TGM5: variants seen among roughly 807,000 people sequenced by gnomAD.
TGM5 encodes the protein transglutaminase 5.
Under a neutral mutation model 77.2 loss-of-function variants are expected in TGM5, and 69 were observed. The observed-to-expected ratio is 0.89, with a 90% CI of 0.74 to 1.09. TGM5 has a LOEUF of 1.09. TGM5 is among the 50% of genes least tolerant of loss of function. TGM5 has a pLI of 0.00. For synonymous variants in TGM5, 346 were observed against 351.8 expected, an observed-to-expected ratio of 0.98 and a Z score of 0.18; for missense variants, 842 against 896.5, an observed-to-expected ratio of 0.94 and a Z score of 0.78.
In TGM5 at chr15:43,235,472, C is replaced by A; in HGVS notation, c.1711G>T (p.Glu571Ter). 1 of 1,614,100 alleles carries A rather than the reference C, an allele frequency of 6.2e-7. No homozygotes were observed. The highest frequency in any genetic ancestry group is 8.5e-7 in the Non-Finnish European group (1 of 1,180,016). The stretch of plus-strand genomic sequence containing the variant: ...CACAAACTGTGCACATGCGTACCTT[C>A]TTTAGGAGAGAGTGTGATGAACGCT... The part of the protein sequence containing the change: ...DTAFITLSPK[E>*]AKTYPCKISY... Residue 571 changes from glutamate (E) to a stop codon, truncating the protein, a stop_gained, in exon 10 of 13, where the codon GAA becomes TAA. Coordinates refer to ENST00000220420, the MANE Select transcript of TGM5 (RefSeq NM_201631.4). LOFTEE classifies it high-confidence loss of function.
intron 6 of TGM5, among the ~76,000 whole-genome samples, chr15:43,246,323 A>C (rs914326485): frequency 1.3e-5 from 2 of 152,110 alleles, no homozygotes; most frequent in African/African-American, 4.8e-5. Flanking sequence ...GGACAAACTG[A>C]CTGTACAGAC....
intron 1 of TGM5, among the ~76,000 whole-genome samples, chr15:43,261,090 T>G (rs55746954): frequency 0.087 from 8,415 of 96,690 alleles, 1,180 homozygotes; most frequent in African/African-American, 0.34. Flanking sequence ...TTTTTTTTTT[T>G]TTTTTTTTTT....
chr15:43,265,453 G>A (rs917585118), intron 1 of TGM5, among the ~76,000 whole-genome samples: 1 of 152,248 alleles, frequency 6.6e-6, no homozygotes, highest in African/African-American at 2.4e-5. Context: ...CAGCAGGCAT[G>A]GCAGCATCTG....
intron 12 of TGM5, 87 bp from the exon 13 acceptor site, chr15:43,233,431 G>A: frequency 6.2e-7 from 1 of 1,608,514 alleles, no homozygotes; most frequent in East Asian, 2.2e-5. Flanking sequence ...TGAGTGGGAG[G>A]GAGTGCTTCC....
chr15:43,235,974 C>T (rs2042587717), intron 9 of TGM5, 137 bp from the exon 10 acceptor site: 1 of 1,199,240 alleles, frequency 8.3e-7, no homozygotes, highest in Non-Finnish European at 1.2e-6. Context: ...TCCCTCCACT[C>T]CTCATGTGCT....
At chr15:43,259,881 G>A (rs115448353) in intron 3 of TGM5, among the ~76,000 whole-genome samples, 171 bp downstream of exon 3, 104 of 152,330 alleles carry the variant, frequency 6.8e-4, no homozygotes, top group African/African-American at 2.4e-3. Context: ...ATAAGTAAAT[G>A]AATAGCAAGA....
At position 43,252,760 on chromosome 15, in the gene TGM5, T is replaced by C. The variant is rs750167109; in HGVS notation, c.861A>G (p.Thr287=). The C allele has an allele frequency of 4.8e-5, 78 of 1,613,676 alleles. No homozygotes were observed. Among genetic ancestry groups the C allele is most frequent in the Middle Eastern group, 1.7e-4 (1 of 5,820 alleles). The change falls in exon 6 of 13, where the codon ACA becomes ACG. Residue 287 remains threonine, a splice_region_variant and synonymous_variant. Transcript: ENST00000220420. ...QCWVFAAVMC[T]VMRCLGIPTR... Reference sequence around the variant, plus strand: ...TGTGGGGTCCTTTCTACCTCCTACCTGTGCACATGACGGCAGCAAAGACCC... The same window carrying C: ...TGTGGGGTCCTTTCTACCTCCTACCCGTGCACATGACGGCAGCAAAGACCC...
chr15:43,252,674 G>A, intron 6 of TGM5, 85 bp downstream of exon 6: 3 of 1,528,184 alleles, frequency 2.0e-6, no homozygotes, highest in Non-Finnish European at 2.7e-6. Flanking sequence ...GGAACTGTGT[G>A]GGACTGGGAT....
chr15:43,263,974 G>A (rs1457206799), intron 1 of TGM5, among the ~76,000 whole-genome samples: 2 of 152,282 alleles, frequency 1.3e-5, no homozygotes, highest in African/African-American at 4.8e-5. Flanking sequence ...TACAATAAAA[G>A]AGACAACTCA....
intron 6 of TGM5, among the ~76,000 whole-genome samples, chr15:43,246,041 C>A (rs948396566): frequency 2.0e-5 from 3 of 151,980 alleles, no homozygotes; most frequent in African/African-American, 7.3e-5. Flanking sequence ...GATGGACAAT[C>A]AGAAGACTGC....
At chr15:43,239,671 C>G (rs2042619583) in intron 7 of TGM5, 1 of 240,622 alleles carries the variant, frequency 4.2e-6, no homozygotes, top group Admixed American at 5.1e-5. Flanking sequence ...CAGACCTTGT[C>G]TCAAAAAAGT....
intron 6 of TGM5, among the ~76,000 whole-genome samples, chr15:43,246,468 A>G (rs925866480): frequency 6.6e-6 from 1 of 152,210 alleles, no homozygotes; most frequent in Non-Finnish European, 1.5e-5. Flanking sequence ...AGCAGGAAGC[A>G]CTACTTTTGT....
chr15:43,236,856 C>T (rs1309270093), intron 9 of TGM5, among the ~76,000 whole-genome samples: 1 of 151,496 alleles, frequency 6.6e-6, no homozygotes, highest in African/African-American at 2.4e-5. Flanking sequence ...ATAATCCCAG[C>T]TACTTGGGAG....
chr15:43,238,985 G>A lies in TGM5; in HGVS notation c.1177C>T (p.Pro393Ser), dbSNP rs768857323. The A allele has an allele frequency of 3.7e-6, 6 of 1,614,048 alleles. No homozygotes were observed. Among genetic ancestry groups the A allele is most frequent in the Non-Finnish European group, 5.1e-6 (6 of 1,180,052 alleles). ...EGEVDLNYDTPFVFSMVNADC... is the reference protein window; with the variant it reads ...EGEVDLNYDTSFVFSMVNADC... ...GCATTCACCATCGAAAACACAAAGG[G>A]CGTGTCATAGTTCAGGTCCACTTCT... The change falls in exon 9 of 13, where the codon CCC becomes TCC. Residue 393 changes from proline (P) to serine (S), a missense_variant. Pro to Ser is a moderately conservative substitution (Grantham distance 74). Transcript: ENST00000220420.
chr15:43,255,080 T>C (rs2042733978), intron 4 of TGM5, among the ~76,000 whole-genome samples: 1 of 152,166 alleles, frequency 6.6e-6, no homozygotes, highest in South Asian at 2.1e-4. Flanking sequence ...ACACCTGTAA[T>C]CCCAACACTT....
chr15:43,260,206 G>C lies in TGM5; in HGVS notation c.282C>G (p.Thr94=), dbSNP rs144607106. The change falls in exon 3 of 13, where the codon ACC becomes ACG. Residue 94 remains threonine (T), a synonymous_variant. Transcript: ENST00000220420. ...TCACCTCTGTGGAGGTGGCCCCATT[G>C]GTCTCCAGCCAGGCAATCCAGGGGC... is the stretch of plus-strand genomic sequence containing the variant. ...SPSPWIAWLE[T]NGATSTEVSL... is the part of the protein sequence containing the mutation. 4.9e-3 allele frequency: 7,972 copies of C among 1,614,006 alleles called. 24 individuals carry two copies. The highest frequency in any genetic ancestry group is 6.4e-3 in the Non-Finnish European group (7,517 of 1,180,030).
chr15:43,245,132 C>A (rs1395431020), intron 6 of TGM5, among the ~76,000 whole-genome samples: 2 of 151,736 alleles, frequency 1.3e-5, no homozygotes, highest in African/African-American at 2.4e-5. Flanking sequence ...GGCTGTAAAG[C>A]TCTTTTTGCT....
intron 6 of TGM5, among the ~76,000 whole-genome samples, chr15:43,241,414 G>A (rs745736454): frequency 6.6e-6 from 1 of 152,154 alleles, no homozygotes; most frequent in Non-Finnish European, 1.5e-5. Context: ...CAGACCATCA[G>A]ATTCTCAAGC....
At chr15:43,245,936 C>T (rs2042667613) in intron 6 of TGM5, among the ~76,000 whole-genome samples, 1 of 151,430 alleles carries the variant, frequency 6.6e-6, no homozygotes, top group African/African-American at 2.4e-5. Context: ...AAGGCCCCTT[C>T]ACAATGAGCA....
Sources: gnomAD v4.1 joint callset for allele counts (sites outside exome capture counted in the v4.1 genomes callset) on GRCh38, gnomAD v4.1.1 for gene constraint, MANE v1.5 for transcripts, NCBI Gene and HGNC (gene_info 2026-07-23, HGNC 2026-07-21) for gene names.